The following ADAMTS6 variants were observed in gnomAD, a reference collection of about 807,000 sequenced individuals.
ADAMTS6 encodes the protein A disintegrin and metalloproteinase with thrombospondin motifs 6.
Under a neutral mutation model 144.3 loss-of-function variants are expected in ADAMTS6, and 23 were observed. That is an observed-to-expected ratio of 0.16 (90% CI 0.11 to 0.23). ADAMTS6 has a LOEUF of 0.23. Ranked by LOEUF, ADAMTS6 falls within the 10% of genes least tolerant of loss-of-function variation. ADAMTS6 has a pLI of 1.00. For synonymous variants in ADAMTS6, 444 were observed against 457.5 expected (o/e 0.97, Z 0.38); for missense variants, 999 against 1,379.6 (o/e 0.72, Z 4.37).
At chr5:65,328,011 A>T (rs998937333) in intron 9 of ADAMTS6, among the ~76,000 whole-genome samples, 6 of 152,172 alleles carry the variant, frequency 3.9e-5, no homozygotes, top group Admixed American at 3.9e-4. Context: ...TGCTTGGTTA[A>T]GGGGGGGCTT....
intron 14 of ADAMTS6, among the ~76,000 whole-genome samples, chr5:65,250,652 C>A (rs2112539225): frequency 6.6e-6 from 1 of 152,262 alleles, no homozygotes; most frequent in East Asian, 1.9e-4. Context: ...GAATAATGTG[C>A]CTTTCCATCC....
intron 1 of ADAMTS6, among the ~76,000 whole-genome samples, chr5:65,477,481 G>C (rs1209327947): frequency 6.6e-6 from 1 of 152,022 alleles, no homozygotes; most frequent in African/African-American, 2.4e-5. Context: ...TGCTCTTTTT[G>C]TAAATTGTTA....
At chr5:65,452,108 G>A (rs749668101) in intron 6 of ADAMTS6, 25 bp downstream of exon 6, 2 of 1,563,342 alleles carry the variant, frequency 1.3e-6, no homozygotes, top group Non-Finnish European at 1.7e-6. Flanking sequence ...AACAATCTTA[G>A]ATATATAAAC....
At chr5:65,248,758 G>A (rs1424030262) in intron 14 of ADAMTS6, among the ~76,000 whole-genome samples, 1 of 152,138 alleles carries the variant, frequency 6.6e-6, no homozygotes, top group African/African-American at 2.4e-5. Flanking sequence ...CTGCACTCCA[G>A]CCTGGGCAAC....
chr5:65,337,283 A>G (rs542933304), intron 7 of ADAMTS6, among the ~76,000 whole-genome samples: 1 of 152,158 alleles, frequency 6.6e-6, no homozygotes, highest in African/African-American at 2.4e-5. Context: ...GTGCAAGGTA[A>G]TCATTTGAGA....
intron 18 of ADAMTS6, among the ~76,000 whole-genome samples, chr5:65,223,873 C>A (rs1757513272): frequency 6.6e-6 from 1 of 150,996 alleles, no homozygotes; most frequent in Admixed American, 6.6e-5. Context: ...GATCTCCACT[C>A]ACTGCAAGCT....
intron 24 of ADAMTS6, among the ~76,000 whole-genome samples, chr5:65,165,910 C>G (rs778870748): frequency 0.12 from 16,544 of 141,312 alleles, 1,318 homozygotes; most frequent in African/African-American, 0.23. Flanking sequence ...ACAACCGGTA[C>G]CAGCCGCTGC....
intron 7 of ADAMTS6, among the ~76,000 whole-genome samples, chr5:65,435,521 T>C (rs1023700665): frequency 1.3e-5 from 2 of 152,142 alleles, no homozygotes; most frequent in African/African-American, 4.8e-5. Context: ...TCCTGATAAC[T>C]GCATTATTGT....
At chr5:65,164,019 G>A (rs530203545) in intron 24 of ADAMTS6, among the ~76,000 whole-genome samples, 1 of 152,328 alleles carries the variant, frequency 6.6e-6, no homozygotes, top group East Asian at 1.9e-4. Flanking sequence ...ACAGACAGAG[G>A]GGGAGGAGCC....
Position 65,470,762 on chromosome 5 carries a change from T to C in ADAMTS6, c.462+16A>G, listed in dbSNP as rs762030339. 6 of 1,530,584 alleles carry C rather than the reference T, an allele frequency of 3.9e-6. No individual in the cohort carries two copies. The South Asian group carries it at 8.1e-5, about 21-fold the overall frequency. The allele number at this position is 1,530,584 out of a possible 1,614,324, so 94.8% of individuals were successfully genotyped here. The stretch of plus-strand genomic sequence containing the variant: ...TATTTTCCCATCAGAAGTTTAAAAT[T>C]ATAGCATCTACTTACCAACCCAACA... On this transcript the variant is annotated intron_variant, in intron 3 of 24. Coordinates refer to ENST00000381055, the MANE Select transcript of ADAMTS6 (RefSeq NM_197941.4).
At chr5:65,397,376 C>A (rs1753432366) in intron 7 of ADAMTS6, among the ~76,000 whole-genome samples, 1 of 151,950 alleles carries the variant, frequency 6.6e-6, no homozygotes, top group Admixed American at 6.6e-5. Flanking sequence ...ATTAGCCCTC[C>A]TTTATCTAGT....
chr5:65,242,859 G>C (rs901225514), intron 14 of ADAMTS6, among the ~76,000 whole-genome samples: 31 of 152,052 alleles, frequency 2.0e-4, no homozygotes, highest in African/African-American at 7.5e-4. Flanking sequence ...ATTTGTTTGA[G>C]GTGTGGAGAG....
chr5:65,431,461 C>CTTAA (rs777350240), intron 7 of ADAMTS6, among the ~76,000 whole-genome samples: 14 of 152,132 alleles, frequency 9.2e-5, no homozygotes, highest in Non-Finnish European at 2.1e-4. Flanking sequence ...CTTAATTGTA[C>CTTAA]TTTTAAGTAT....
intron 15 of ADAMTS6, among the ~76,000 whole-genome samples, chr5:65,238,067 C>G (rs569060701): frequency 1.3e-5 from 2 of 150,412 alleles, no homozygotes; most frequent in African/African-American, 4.9e-5. Context: ...GCCTTGGCAA[C>G]AGAGCAAGAC....
intron 7 of ADAMTS6, among the ~76,000 whole-genome samples, chr5:65,397,384 A>G (rs1158038368): frequency 2.6e-5 from 4 of 151,976 alleles, no homozygotes; most frequent in Admixed American, 6.6e-5. Flanking sequence ...TCCTTTATCT[A>G]GTTACCTAAA....
intron 7 of ADAMTS6, among the ~76,000 whole-genome samples, chr5:65,370,998 C>T (rs1009499291): frequency 1.3e-5 from 2 of 152,144 alleles, no homozygotes; most frequent in Non-Finnish European, 2.9e-5. Flanking sequence ...TGGGAGGCAC[C>T]CCCCAGCAGG....
chr5:65,239,087 G>T (rs1175291376), intron 15 of ADAMTS6, among the ~76,000 whole-genome samples: 1 of 152,040 alleles, frequency 6.6e-6, no homozygotes, highest in Non-Finnish European at 1.5e-5. Context: ...TGGACACAGG[G>T]AGGGGAACAT....
At chr5:65,329,999 G>C (rs1249234081) in intron 8 of ADAMTS6, among the ~76,000 whole-genome samples, 1 of 152,190 alleles carries the variant, frequency 6.6e-6, no homozygotes, top group East Asian at 1.9e-4. Flanking sequence ...AAGGAGAACT[G>C]TTAAAGATGG....
intron 14 of ADAMTS6, among the ~76,000 whole-genome samples, chr5:65,253,416 C>A (rs191803018): frequency 3.0e-4 from 45 of 152,210 alleles, no homozygotes; most frequent in African/African-American, 1.1e-3. Context: ...GTTTTGGGAT[C>A]GCAAATGACC....
Sources: allele counts gnomAD v4.1 joint callset (sites outside exome capture counted in the v4.1 genomes callset), GRCh38; gene constraint gnomAD v4.1.1; transcripts MANE v1.5; gene names NCBI Gene and HGNC (gene_info 2026-07-23, HGNC 2026-07-21).